The following LCK variants were observed in gnomAD, a reference collection of about 807,000 sequenced individuals.
LCK encodes LCK proto-oncogene, Src family tyrosine kinase, also known as tyrosine-protein kinase Lck.
In LCK, 14 loss-of-function variants were observed where a neutral mutation model predicts 64.6. That is an observed-to-expected ratio of 0.22 (90% confidence interval 0.14 to 0.34). The LOEUF (loss-of-function observed/expected upper bound fraction) is 0.34, where lower values mean the gene tolerates loss of function less well. Ranked by LOEUF, LCK falls within the 10% of genes least tolerant of loss-of-function variation. LCK has a pLI of 1.00. For synonymous variants in LCK, 277 were observed against 263.6 expected (o/e 1.05, Z -0.49); for missense variants, 434 against 668.1 (o/e 0.65, Z 3.86).
Position 32,285,559 on chromosome 1 carries a change from G to A in LCK, c.1373G>A (p.Arg458His), listed in dbSNP as rs1405031975. 1.9e-6 allele frequency: 3 copies of A among 1,614,118 alleles called. No homozygotes were observed. The highest frequency in any genetic ancestry group is 2.5e-6 in the Non-Finnish European group (3 of 1,180,052). Residue 458 changes from arginine to histidine, a missense_variant, in exon 13 of 13, where the codon CGC (arginine) becomes CAC (histidine). By Grantham distance (29) the Arg-to-His change is conservative. This residue lies in a region of LCK where 201 missense variants were observed against 376.9 expected (regional missense o/e 0.53). Transcript: ENST00000336890. ...ATTCAGAACCTGGAGCGAGGCTACCGCATGGTGCGCCCTGACAACTGTCCA... is the reference window on the plus strand; with the variant it reads ...ATTCAGAACCTGGAGCGAGGCTACCACATGGTGCGCCCTGACAACTGTCCA... Reference protein sequence around the residue: ...EVIQNLERGYRMVRPDNCPEE... With the variant: ...EVIQNLERGYHMVRPDNCPEE...
rs146340197 is a variant in LCK, at chr1:32,281,195, T to C, written c.1327+985T>C. On this transcript the variant is annotated intron_variant, in intron 12 of 12. Coordinates refer to ENST00000336890, the MANE Select transcript of LCK (RefSeq NM_005356.5). Reference sequence around the variant, plus strand: ...CAGAGGTTGCAGTGAGCCAAGACCATGCCATAACACTCCAGCCTAGGGCAA... The same window carrying C: ...CAGAGGTTGCAGTGAGCCAAGACCACGCCATAACACTCCAGCCTAGGGCAA... Among the ~76,000 whole-genome samples the C allele has an allele frequency of 1.1e-4, 17 of 149,354 alleles. No individual in the cohort carries two copies. The East Asian group carries it at 3.3e-3, about 29-fold the overall frequency.
At position 32,285,518 on chromosome 1, in the gene LCK, G is replaced by T; in HGVS notation, c.1332G>T (p.Met444Ile). The T allele has an allele frequency of 6.2e-7, 1 of 1,614,082 alleles. No individual in the cohort carries two copies. Among genetic ancestry groups the T allele is most frequent in the South Asian group, 1.1e-5 (1 of 91,012 alleles). Residue 444 changes from methionine (M) to isoleucine (I), a missense_variant, in exon 13 of 13, where the codon ATG becomes ATT. This residue lies in a region of LCK where 201 missense variants were observed against 376.9 expected (regional missense o/e 0.53). Transcript: ENST00000336890. ...CTTTCACCCATCAACCCGTAGGGAT[G>T]ACCAACCCGGAGGTGATTCAGAACC... ...VTHGRIPYPG[M>I]TNPEVIQNLE...
Position 32,285,736 on chromosome 1 carries a change from G to A in LCK, c.*20G>A. On this transcript the variant is annotated 3_prime_UTR_variant, in exon 13 of 13. Transcript: ENST00000336890. ...CCTTGAGAGGCCTTGAGAGGCCCTG[G>A]GGTTCTCCCCCTTTCTCTCCAGCCT... 1 of 1,566,806 alleles carries A rather than the reference G, an allele frequency of 6.4e-7. No individual in the cohort carries two copies. Among genetic ancestry groups the A allele is most frequent in the Non-Finnish European group, 8.7e-7 (1 of 1,155,740 alleles).
chr1:32,265,425 G>A (rs922444483), intron 1 of LCK, among the ~76,000 whole-genome samples: 3 of 152,186 alleles, frequency 2.0e-5, no homozygotes, highest in African/African-American at 7.2e-5. Flanking sequence ...ACTTACGATT[G>A]CTGCCAGGCC....
At chr1:32,266,324 CT>C (rs1234998207) in intron 1 of LCK, among the ~76,000 whole-genome samples, 21 of 149,486 alleles carry the variant, frequency 1.4e-4, no homozygotes, top group Admixed American at 1.3e-3. Context: ...AACCCCGTCT[CT>C]ACTAAAAATA....
intron 11 of LCK, 24 bp from the exon 12 acceptor site, chr1:32,280,055 G>A: frequency 6.2e-7 from 1 of 1,614,066 alleles, no homozygotes; most frequent in Non-Finnish European, 8.5e-7. Flanking sequence ...AGACCCAGGT[G>A]ACCTCACTCT....
intron 1 of LCK, among the ~76,000 whole-genome samples, chr1:32,273,081 G>A (rs970521715): frequency 7.0e-6 from 1 of 143,550 alleles, no homozygotes; most frequent in African/African-American, 2.6e-5. Context: ...TGTAGGGGGA[G>A]TATGTATAGG....
chr1:32,281,721 C>T (rs1042285199), intron 12 of LCK, among the ~76,000 whole-genome samples: 1 of 151,986 alleles, frequency 6.6e-6, no homozygotes, highest in Non-Finnish European at 1.5e-5. Flanking sequence ...GTAGAAGCTT[C>T]CCATATCCCC....
Position 32,274,860 on chromosome 1 carries a change from TCC to T in LCK, c.187+44_187+45del, listed in dbSNP as rs1345973467. Reference sequence around the variant, plus strand: ...GGGCCTGAAAGACAAGGCCTGCGGATCCCTGGCTGTTGGCTTCCACCTCTCCC... The same window carrying T: ...GGGCCTGAAAGACAAGGCCTGCGGATCTGGCTGTTGGCTTCCACCTCTCCC... On this transcript the variant is annotated intron_variant, in intron 3 of 12. Coordinates refer to ENST00000336890, the MANE Select transcript of LCK (RefSeq NM_005356.5). 1.9e-6 allele frequency: 3 copies of T among 1,613,722 alleles called. No homozygotes were observed. The African/African-American group carries it at 4.0e-5, about 22-fold the overall frequency.
chr1:32,261,483 T>C (rs1172133524), intron 1 of LCK, among the ~76,000 whole-genome samples: 2 of 150,454 alleles, frequency 1.3e-5, no homozygotes, highest in Non-Finnish European at 3.0e-5. Flanking sequence ...CCGTCTCTAC[T>C]AAAAATACAA....
At chr1:32,254,362 T>C (rs147536671) in intron 1 of LCK, among the ~76,000 whole-genome samples, 4 of 152,048 alleles carry the variant, frequency 2.6e-5, no homozygotes, top group Admixed American at 1.3e-4. Context: ...CCACTAAAAA[T>C]ACAAAAAATT....
At position 32,285,806 on chromosome 1, in the gene LCK, G is replaced by A. The variant is rs1444902431; in HGVS notation, c.*90G>A. On this transcript the variant is annotated 3_prime_UTR_variant, in exon 13 of 13. Coordinates refer to ENST00000336890, the MANE Select transcript of LCK (RefSeq NM_005356.5). ...CTTGTGCCATAGTCACATGGCCTATGCACATATGGACTCTGCACATGAATC... is the reference window on the plus strand; with the variant it reads ...CTTGTGCCATAGTCACATGGCCTATACACATATGGACTCTGCACATGAATC... 5.2e-6 allele frequency: 7 copies of A among 1,349,250 alleles called. No individual in the cohort carries two copies. Among genetic ancestry groups the A allele is most frequent in the Non-Finnish European group, 6.2e-6 (6 of 971,586 alleles). The allele number at this position is 1,349,250 out of a possible 1,614,324, so 83.6% of individuals were successfully genotyped here. A position where few individuals can be genotyped will look rare whatever the true frequency, so the allele number is the denominator to read the frequency against.
intron 1 of LCK, among the ~76,000 whole-genome samples, chr1:32,265,625 C>G (rs940531029): frequency 3.2e-4 from 49 of 152,142 alleles, no homozygotes; most frequent in Non-Finnish European, 4.0e-4. Context: ...CAGATTCAGT[C>G]CAGAATCTAG....
chr1:32,278,906 C>T (rs1252027212), intron 9 of LCK, among the ~76,000 whole-genome samples: 2 of 152,204 alleles, frequency 1.3e-5, no homozygotes, highest in Admixed American at 1.3e-4. Flanking sequence ...TGGTCACTCA[C>T]TGCATCCTAG....
At chr1:32,256,975 C>T (rs1185756495) in intron 1 of LCK, among the ~76,000 whole-genome samples, 2 of 151,976 alleles carry the variant, frequency 1.3e-5, no homozygotes, top group Non-Finnish European at 2.9e-5. Flanking sequence ...AAAAGGTAGC[C>T]CGTGGAAGTG....
chr1:32,271,655 C>T (rs530072318), intron 1 of LCK, among the ~76,000 whole-genome samples: 1 of 152,280 alleles, frequency 6.6e-6, no homozygotes, highest in African/African-American at 2.4e-5. Context: ...GAGAGTGACA[C>T]TTTATCTCAA....
At chr1:32,280,741 C>T (rs1043478717) in intron 12 of LCK, among the ~76,000 whole-genome samples, 1 of 151,980 alleles carries the variant, frequency 6.6e-6, no homozygotes, top group African/African-American at 2.4e-5. Context: ...GCGTGAGCCA[C>T]CACACCCGGC....
chr1:32,285,381 C>T (rs775862182), intron 12 of LCK, 133 bp from the exon 13 acceptor site: 35 of 785,206 alleles, frequency 4.5e-5, no homozygotes, highest in Non-Finnish European at 6.3e-5. Flanking sequence ...TCTAGTGTGA[C>T]CTTACCATTG....
In LCK at chr1:32,257,247, T is replaced by G. The variant is rs189400850; in HGVS notation, c.-6+5876T>G. ...GCCAGTAAGTCTTGTTTTTTTTTTT[T>G]TTGTTTTTTTTGTTTTTTTGAGACA... On this transcript the variant is annotated intron_variant, in intron 1 of 12. Transcript: ENST00000336890. Among the ~76,000 whole-genome samples, 769 of 151,356 alleles carry G rather than the reference T, an allele frequency of 5.1e-3. 6 individuals carry two copies. The highest frequency in any genetic ancestry group is 6.9e-3 in the Non-Finnish European group (466 of 67,852).
Sources: allele counts gnomAD v4.1 joint callset (sites outside exome capture counted in the v4.1 genomes callset), GRCh38; gene constraint gnomAD v4.1.1; regional missense constraint gnomAD v4.1.1; transcripts MANE v1.5; gene names NCBI Gene and HGNC (gene_info 2026-07-23, HGNC 2026-07-21).